MGRN1: variants seen among roughly 807,000 people sequenced by gnomAD.
The protein encoded by MGRN1 is mahogunin ring finger 1.
Under a neutral mutation model 69.2 loss-of-function variants are expected in MGRN1, and 29 were observed. That is an observed-to-expected ratio of 0.42 (90% CI 0.31 to 0.57). MGRN1 has a LOEUF of 0.57. Ranked by LOEUF, MGRN1 falls within the 20% of genes least tolerant of loss-of-function variation. The probability of loss-of-function intolerance (pLI) is 0.15; values close to 1 mark genes in which losing one functional copy is unlikely to be tolerated. For missense variants in MGRN1, 998 were observed against 796.2 expected, an observed-to-expected ratio of 1.25 and a Z score of -3.05; for synonymous variants, 470 against 344.2, an observed-to-expected ratio of 1.37 and a Z score of -4.04.
At chr16:4,671,937 ACTCTG>A (rs1325502798) in intron 9 of MGRN1, among the ~76,000 whole-genome samples, 2 of 152,056 alleles carry the variant, frequency 1.3e-5, no homozygotes, top group African/African-American at 4.8e-5. Context: ...AGTCAGTCTC[ACTCTG>A]CTGCTCAGGC....
Position 4,689,472 on chromosome 16 carries a change from G to A in MGRN1, c.*564G>A, listed in dbSNP as rs1019830065. ...CCTCAGTGCCCTCCCTGGTGCGTCT[G>A]CGCTGGGGCCCTCAGTGCTCGGGGC... On this transcript the variant is annotated 3_prime_UTR_variant, in exon 17 of 17. Coordinates refer to ENST00000262370, the MANE Select transcript of MGRN1 (RefSeq NM_015246.4). 4 of 153,078 alleles carry A rather than the reference G, an allele frequency of 2.6e-5. No homozygotes were observed. The highest frequency in any genetic ancestry group is 9.6e-5 in the African/African-American group (4 of 41,476). The allele number at this position is 153,078 out of a possible 1,614,324, so 9.5% of individuals were successfully genotyped here.
chr16:4,641,774 C>T (rs1361068493), intron 1 of MGRN1, among the ~76,000 whole-genome samples: 2 of 152,124 alleles, frequency 1.3e-5, no homozygotes, highest in Non-Finnish European at 2.9e-5. Flanking sequence ...CTGCCTCGGC[C>T]TCCCAAAGTG....
intron 5 of MGRN1, chr16:4,664,500 G>A: frequency 1.7e-6 from 1 of 596,766 alleles, no homozygotes; most frequent in South Asian, 2.0e-5. Flanking sequence ...AGTTAAAATG[G>A]CAGATTTTGT....
chr16:4,628,347 T>C (rs1443599237), intron 1 of MGRN1, among the ~76,000 whole-genome samples: 14 of 142,110 alleles, frequency 9.9e-5, no homozygotes, highest in Non-Finnish European at 1.6e-4. Flanking sequence ...GATCACGCCA[T>C]TGCACTCCAG....
At chr16:4,644,305 G>GT (rs79613493) in intron 1 of MGRN1, among the ~76,000 whole-genome samples, 5,815 of 107,548 alleles carry the variant, frequency 0.054, 191 homozygotes, top group Middle Eastern at 0.078. Flanking sequence ...TCAATTACCA[G>GT]TTTTTTTTTT....
rs756656065 is a variant in MGRN1 at position 4,652,008 on chromosome 16, C to T, written c.253C>T (p.Arg85Trp). Residue 85 changes from arginine (R) to tryptophan (W), a missense_variant, in exon 3 of 17, where the codon CGG becomes TGG. Coordinates refer to ENST00000262370, the MANE Select transcript of MGRN1 (RefSeq NM_015246.4). ...PAPHEPVKTLRSLVNIRKDSL... is the reference protein window; with the variant it reads ...PAPHEPVKTLWSLVNIRKDSL... ...CCCCCACGAGCCCGTGAAGACGCTG[C>T]GGAGCCTGGTGAACATCCGCAAAGA... The T allele has an allele frequency of 6.8e-6, 11 of 1,613,924 alleles. No homozygotes were observed. Among genetic ancestry groups the T allele is most frequent in the South Asian group, 1.1e-5 (1 of 91,094 alleles).
intron 8 of MGRN1, chr16:4,669,236 T>A (rs978904523): frequency 1.3e-5 from 2 of 152,170 alleles, no homozygotes; most frequent in East Asian, 1.9e-4. Flanking sequence ...GAGTTTGATA[T>A]CAGCTTGGCC....
chr16:4,674,828 G>T (rs2079021401), intron 10 of MGRN1, among the ~76,000 whole-genome samples: 1 of 148,538 alleles, frequency 6.7e-6, no homozygotes, highest in Non-Finnish European at 1.5e-5. Context: ...TTTTAGTAGA[G>T]ACGGGGTTTC....
chr16:4,628,055 A>C (rs1365154488), intron 1 of MGRN1, among the ~76,000 whole-genome samples: 2 of 123,254 alleles, frequency 1.6e-5, no homozygotes, highest in Admixed American at 8.5e-5. Flanking sequence ...ACTCCAGCCT[A>C]GGTGTCAGAG....
intron 1 of MGRN1, among the ~76,000 whole-genome samples, chr16:4,638,491 G>T (rs2078082288): frequency 1.3e-5 from 2 of 151,980 alleles, no homozygotes; most frequent in Admixed American, 6.6e-5. Flanking sequence ...AAATATCTCA[G>T]CCCATGTTGA....
rs544860153 is a variant in MGRN1, at chr16:4,682,153, G to A, written c.1358+377G>A. On this transcript the variant is annotated intron_variant, in intron 13 of 16. Coordinates refer to ENST00000262370, the MANE Select transcript of MGRN1 (RefSeq NM_015246.4). ...GCTGGCCACGTAGGCCCACTCTGCCGGTGACCAGCCAGGGCAGCCGAAACT... is the reference window on the plus strand; with the variant it reads ...GCTGGCCACGTAGGCCCACTCTGCCAGTGACCAGCCAGGGCAGCCGAAACT... Among the ~76,000 whole-genome samples the A allele has an allele frequency of 1.0e-3, 153 of 152,300 alleles. 1 individual carries two copies. The highest frequency in any genetic ancestry group is 9.1e-3 in the Admixed American group (140 of 15,308).
chr16:4,661,645 C>T lies in MGRN1; in HGVS notation c.562-3064C>T, dbSNP rs138667746. Among the ~76,000 whole-genome samples, 745 of 152,388 alleles carry T rather than the reference C, an allele frequency of 4.9e-3. 6 individuals are homozygous for T. Among genetic ancestry groups the T allele is most frequent in the Non-Finnish European group, 7.0e-3 (474 of 68,038 alleles). ...CCTGCCAGCTCCTGGCTCCACCCTT[C>T]CTCACTAACAGAGACCACGGCACTT... On this transcript the variant is annotated intron_variant, in intron 5 of 16. Transcript: ENST00000262370.
chr16:4,686,498 G>T (rs1385561405), intron 16 of MGRN1: 1 of 1,384,230 alleles, frequency 7.2e-7, no homozygotes, highest in Non-Finnish European at 9.3e-7. Flanking sequence ...GTGGCCTCCT[G>T]GGGGGTCCTG....
At chr16:4,643,672 A>G (rs965294988) in intron 1 of MGRN1, among the ~76,000 whole-genome samples, 1 of 152,134 alleles carries the variant, frequency 6.6e-6, no homozygotes, top group South Asian at 2.1e-4. Context: ...GCGCCTGGCA[A>G]AAATCTTGTA....
rs908974172 is a variant in MGRN1 at position 4,690,241 on chromosome 16, C to T, written c.*1333C>T. The T allele has an allele frequency of 1.3e-5, 2 of 152,246 alleles. No homozygotes were observed. The highest frequency in any genetic ancestry group is 4.8e-5 in the African/African-American group (2 of 41,410). 9.4% of individuals were successfully genotyped at this position (152,246 alleles called of 1,614,324 possible). On this transcript the variant is annotated 3_prime_UTR_variant, in exon 17 of 17. Transcript: ENST00000262370. Reference sequence around the variant, plus strand: ...TTTGTTTGTTTTTTTAAAGGTAAACCTCCTGGGCCGCAGATGGCAAAGGGA... The same window carrying T: ...TTTGTTTGTTTTTTTAAAGGTAAACTTCCTGGGCCGCAGATGGCAAAGGGA...
intron 1 of MGRN1, among the ~76,000 whole-genome samples, chr16:4,642,695 G>C (rs2078188014): frequency 6.6e-6 from 1 of 151,548 alleles, no homozygotes; most frequent in Non-Finnish European, 1.5e-5. Flanking sequence ...CCTGACGGCA[G>C]ACCTCAAGTG....
In MGRN1 at chr16:4,651,964, T is replaced by G; in HGVS notation, c.209T>G (p.Phe70Cys). The G allele has an allele frequency of 6.2e-7, 1 of 1,613,896 alleles. No homozygotes were observed. Among genetic ancestry groups the G allele is most frequent in the South Asian group, 1.1e-5 (1 of 91,072 alleles). ...GGGGCCCTGTGGTTTTTCTCCTAGT[T>G]TCCCTACGTCACTCCTGCCCCCCAC... ...LNFLGSRPVQ[F>C]PYVTPAPHEP... The change falls in exon 3 of 17, where the codon TTT (phenylalanine) becomes TGT (cysteine). Residue 70 changes from phenylalanine to cysteine, a missense_variant and splice_region_variant. Phe to Cys is a radical substitution (Grantham distance 205). Transcript: ENST00000262370.
intron 1 of MGRN1, among the ~76,000 whole-genome samples, chr16:4,648,622 C>T (rs1378279939): frequency 9.5e-6 from 1 of 105,638 alleles, no homozygotes; most frequent in Non-Finnish European, 1.8e-5. Context: ...CCGGGTCCTC[C>T]TCCCGGGACT....
intron 10 of MGRN1, 175 bp from the exon 11 acceptor site, chr16:4,677,288 A>T (rs563779582): frequency 2.2e-6 from 1 of 446,596 alleles, no homozygotes; most frequent in Admixed American, 3.9e-5. Context: ...TTTCCTGCCT[A>T]TTAAATTCCT....
Sources: gnomAD v4.1 joint callset for allele counts (sites outside exome capture counted in the v4.1 genomes callset) on GRCh38, gnomAD v4.1.1 for gene constraint, MANE v1.5 for transcripts, NCBI Gene and HGNC (gene_info 2026-07-23, HGNC 2026-07-21) for gene names.